The following PTPRM variants were observed in gnomAD, a reference collection of about 807,000 sequenced individuals.
The protein encoded by PTPRM is protein tyrosine phosphatase receptor type M.
In PTPRM, 47 loss-of-function variants were observed where a neutral mutation model predicts 186.7. The ratio of observed to expected loss-of-function variants is 0.25; its 90% CI spans 0.20 to 0.32. PTPRM has a LOEUF of 0.32. Among genes scored for constraint, PTPRM ranks in the 10% least tolerant of loss-of-function variants. PTPRM has a pLI of 1.00. For missense variants in PTPRM, 1,494 were observed against 1,865.0 expected (o/e 0.80, Z 3.66); for synonymous variants, 668 against 674.9 (o/e 0.99, Z 0.16).
intron 14 of PTPRM, among the ~76,000 whole-genome samples, chr18:8,193,132 A>G (rs902207983): frequency 1.3e-5 from 2 of 152,250 alleles, no homozygotes; most frequent in Admixed American, 6.5e-5. Flanking sequence ...TAGAAATAAT[A>G]TCTAAAACTA....
chr18:8,383,092 G>A (rs1329504253), intron 29 of PTPRM, among the ~76,000 whole-genome samples: 1 of 151,942 alleles, frequency 6.6e-6, no homozygotes, highest in Non-Finnish European at 1.5e-5. Context: ...GAGGTCAAGA[G>A]ATCGAGACCA....
intron 32 of PTPRM, among the ~76,000 whole-genome samples, chr18:8,398,493 C>T (rs575342783): frequency 1.3e-5 from 2 of 151,296 alleles, no homozygotes; most frequent in Non-Finnish European, 2.9e-5. Context: ...TGGCCAAACA[C>T]GGTGGCTCAC....
intron 13 of PTPRM, among the ~76,000 whole-genome samples, chr18:8,130,765 A>G (rs1438336471): frequency 6.6e-6 from 1 of 152,238 alleles, no homozygotes; most frequent in African/African-American, 2.4e-5. Flanking sequence ...GGAAATTCAC[A>G]CAGGAACTCT....
intron 7 of PTPRM, among the ~76,000 whole-genome samples, chr18:8,022,066 C>T (rs1449007215): frequency 2.0e-5 from 3 of 152,114 alleles, no homozygotes; most frequent in Non-Finnish European, 4.4e-5. Context: ...AATAAGAATA[C>T]AGGCCTGCCT....
rs561036462 is a variant in PTPRM, at chr18:7,689,404, G to A, written c.74-84745G>A. On this transcript the variant is annotated intron_variant, in intron 1 of 32. Coordinates refer to ENST00000580170, the MANE Select transcript of PTPRM (RefSeq NM_001105244.2). Reference sequence around the variant, plus strand: ...AGCCACAGTAGCAATGCCCTCCCTCGGCCCACCCCATGTCTCTTTGAGGTG... The same window carrying A: ...AGCCACAGTAGCAATGCCCTCCCTCAGCCCACCCCATGTCTCTTTGAGGTG... Among the ~76,000 whole-genome samples the A allele has an allele frequency of 4.8e-3, 731 of 152,260 alleles. 1 individual carries two copies. The highest frequency in any genetic ancestry group is 6.6e-3 in the Non-Finnish European group (450 of 68,024).
At chr18:7,729,585 A>G (rs1391093920) in intron 1 of PTPRM, among the ~76,000 whole-genome samples, 4 of 152,230 alleles carry the variant, frequency 2.6e-5, no homozygotes, top group African/African-American at 9.6e-5. Context: ...GTTGATGTCA[A>G]ATGGAAATGG....
intron 7 of PTPRM, among the ~76,000 whole-genome samples, chr18:8,035,574 T>A (rs2086269326): frequency 6.6e-6 from 1 of 152,202 alleles, no homozygotes; most frequent in Non-Finnish European, 1.5e-5. Flanking sequence ...TTATTTTTAT[T>A]GTTTTTTTCC....
At chr18:8,019,240 CTT>C (rs998928781) in intron 7 of PTPRM, among the ~76,000 whole-genome samples, 8 of 152,144 alleles carry the variant, frequency 5.3e-5, no homozygotes, top group African/African-American at 1.4e-4. Context: ...ATTTGAATGA[CTT>C]TGGGCAAGTT....
At chr18:7,919,223 G>A (rs1228455623) in intron 4 of PTPRM, among the ~76,000 whole-genome samples, 1 of 152,070 alleles carries the variant, frequency 6.6e-6, no homozygotes, top group African/African-American at 2.4e-5. Context: ...AAATCAGGTA[G>A]TATATGATGC....
chr18:8,211,377 C>CTTTTTTTTTTTTTTTTTTTTTTTTTTTTT (rs970926126), intron 14 of PTPRM, among the ~76,000 whole-genome samples: 18 of 87,228 alleles, frequency 2.1e-4, no homozygotes, highest in Non-Finnish European at 2.7e-4. Context: ...GTCTCTTCTT[C>CTTTTTTTTTTTTTTTTTTTTTTTTTTTTT]TTTTTTTTTT....
Position 8,387,151 on chromosome 18 carries a change from G to C in PTPRM, c.4124G>C (p.Arg1375Pro). The change falls in exon 31 of 33, where the codon CGC (arginine) becomes CCC (proline). Residue 1375 changes from arginine to proline, a missense_variant. Transcript: ENST00000580170. ...PMYRDTPVSK[R>P]SFLKLIRQVD... ...TACAGGGACACACCAGTGTCTAAGC[G>C]CTCCTTCTTGAAGCTCATTCGCCAG... is the stretch of plus-strand genomic sequence containing the variant. The C allele has an allele frequency of 1.2e-6, 2 of 1,612,660 alleles. No homozygotes were observed. The highest frequency in any genetic ancestry group is 1.7e-6 in the Non-Finnish European group (2 of 1,178,662).
rs565031162 is a variant in PTPRM, at chr18:7,572,927, C to T, written c.73+5036C>T. ...TGCTTTTTTGCTTCCTAAAATACCG[C>T]GGTGGTTTTCAGTTTAGTCATCAGA... On this transcript the variant is annotated intron_variant, in intron 1 of 32. Coordinates refer to ENST00000580170, the MANE Select transcript of PTPRM (RefSeq NM_001105244.2). Among the ~76,000 whole-genome samples, 18 of 152,244 alleles carry T rather than the reference C, an allele frequency of 1.2e-4. No individual in the cohort carries two copies. The South Asian group carries it at 2.5e-3, about 21-fold the overall frequency.
chr18:7,951,452 A>C (rs2147078880), intron 6 of PTPRM, among the ~76,000 whole-genome samples: 1 of 152,292 alleles, frequency 6.6e-6, no homozygotes, highest in South Asian at 2.1e-4. Context: ...CTTGTGGAAA[A>C]GTTAATTTGT....
At chr18:7,985,779 G>T (rs1484313420) in intron 7 of PTPRM, among the ~76,000 whole-genome samples, 2 of 151,822 alleles carry the variant, frequency 1.3e-5, no homozygotes, top group Non-Finnish European at 2.9e-5. Context: ...ATTTTAAAAT[G>T]TACAATTCAG....
At chr18:7,617,810 G>A (rs571994043) in intron 1 of PTPRM, among the ~76,000 whole-genome samples, 86 of 152,304 alleles carry the variant, frequency 5.6e-4, no homozygotes, top group African/African-American at 1.8e-3. Context: ...GAAGTGGGAA[G>A]TTGAGGAATG....
intron 1 of PTPRM, among the ~76,000 whole-genome samples, chr18:7,754,474 G>C (rs1202578755): frequency 2.0e-5 from 3 of 152,152 alleles, no homozygotes; most frequent in African/African-American, 7.2e-5. Context: ...ATTCACCATA[G>C]GCCAGCCTTC....
intron 2 of PTPRM, among the ~76,000 whole-genome samples, chr18:7,830,341 T>C (rs2045696077): frequency 6.6e-6 from 1 of 152,204 alleles, no homozygotes; most frequent in Admixed American, 6.5e-5. Context: ...CAAGTCCATG[T>C]AATTCCATCT....
chr18:7,611,617 A>T (rs573252340), intron 1 of PTPRM, among the ~76,000 whole-genome samples: 66 of 152,112 alleles, frequency 4.3e-4, no homozygotes, highest in Non-Finnish European at 8.4e-4. Flanking sequence ...TCCCCACCCA[A>T]ATCTCATCTT....
intron 5 of PTPRM, among the ~76,000 whole-genome samples, chr18:7,932,285 G>A (rs1230719726): frequency 6.6e-6 from 1 of 152,152 alleles, no homozygotes; most frequent in Admixed American, 6.5e-5. Context: ...TCTCTTCACA[G>A]TCATTAGAGG....
Sources: allele counts gnomAD v4.1 joint callset (sites outside exome capture counted in the v4.1 genomes callset), GRCh38; gene constraint gnomAD v4.1.1; transcripts MANE v1.5; gene names NCBI Gene and HGNC (gene_info 2026-07-23, HGNC 2026-07-21).